The following LYST variants were observed in gnomAD, a reference collection of about 807,000 sequenced individuals.
LYST encodes lysosomal-trafficking regulator.
Under a neutral mutation model 413.6 loss-of-function variants are expected in LYST, and 192 were observed. The ratio of observed to expected loss-of-function variants is 0.46; its 90% CI spans 0.41 to 0.52. The LOEUF (loss-of-function observed/expected upper bound fraction) is 0.52. LYST is among the 20% of genes least tolerant of loss of function. LYST has a pLI of 0.00. For synonymous variants in LYST, 1,525 were observed against 1,567.3 expected (o/e 0.97, Z 0.64); for missense variants, 3,815 against 4,499.9 (o/e 0.85, Z 4.35).
intron 17 of LYST, 34 bp downstream of exon 17, chr1:235,777,029 C>T: frequency 6.3e-7 from 1 of 1,596,204 alleles, no homozygotes; most frequent in South Asian, 1.1e-5. Context: ...TAAGTCATTT[C>T]TCTTTAGACA....
chr1:235,749,151 A>C (rs573395064), intron 28 of LYST, among the ~76,000 whole-genome samples: 1 of 152,324 alleles, frequency 6.6e-6, no homozygotes, highest in South Asian at 2.1e-4. Context: ...GACTTGAATT[A>C]GTTTTTGTAA....
At chr1:235,826,578 G>A (rs1675360335) in intron 3 of LYST, among the ~76,000 whole-genome samples, 1 of 152,196 alleles carries the variant, frequency 6.6e-6, no homozygotes, top group South Asian at 2.1e-4. Flanking sequence ...AGTGAGTGAA[G>A]GGGAGGGACT....
chr1:235,714,654 A>G (rs1375017656), intron 42 of LYST, among the ~76,000 whole-genome samples: 2 of 152,212 alleles, frequency 1.3e-5, no homozygotes, highest in African/African-American at 2.4e-5. Flanking sequence ...ACAAAAATAC[A>G]AATTCACTCC....
chr1:235,755,553 A>T lies in LYST; in HGVS notation c.7154T>A (p.Leu2385His). The T allele has an allele frequency of 6.2e-7, 1 of 1,613,368 alleles. No homozygotes were observed. Among genetic ancestry groups the T allele is most frequent in the Non-Finnish European group, 8.5e-7 (1 of 1,179,272 alleles). ...GFSLLANQLY[L>H]HRGTQELLEC... is the part of the protein sequence containing the mutation. ...TAACAATTCTTGAGTTCCTCGATGA[A>T]GATACAACTGGTTGGCTAGCAAGGA... Residue 2385 changes from leucine (L) to histidine (H), a missense_variant, in exon 25 of 53, where the codon CTT becomes CAT. Transcript: ENST00000389793.
chr1:235,876,188 C>A (rs1164627786), intron 1 of LYST, among the ~76,000 whole-genome samples: 1 of 152,122 alleles, frequency 6.6e-6, no homozygotes, highest in Non-Finnish European at 1.5e-5. Context: ...TGTCACCGCA[C>A]TCCATCCTGG....
At chr1:235,756,071 A>ATCTATATCTATC (rs1667027438) in intron 24 of LYST, among the ~76,000 whole-genome samples, 1 of 148,328 alleles carries the variant, frequency 6.7e-6, no homozygotes, top group African/African-American at 2.5e-5. Context: ...CTGTATCTAT[A>ATCTATATCTATC]TCTATCCTAG....
At chr1:235,780,742 A>G (rs1669783900) in intron 16 of LYST, 123 bp downstream of exon 16, 1 of 431,684 alleles carries the variant, frequency 2.3e-6, no homozygotes, top group African/African-American at 2.0e-5. Context: ...CATAATTCTA[A>G]GAAAAGAAAA....
intron 3 of LYST, among the ~76,000 whole-genome samples, chr1:235,816,463 AT>A (rs1467257211): frequency 7.0e-4 from 80 of 114,158 alleles, no homozygotes; most frequent in African/African-American, 3.6e-3. Context: ...TAAATAAAAA[AT>A]AAAAATAAAA....
Position 235,674,631 on chromosome 1 carries a change from A to T in LYST, c.11038+2460T>A, listed in dbSNP as rs760540960. The stretch of plus-strand genomic sequence containing the variant: ...TGCTAACTATACTAGGGATGCCATT[A>T]AAGGAATAGCTGAACAATTAGGTCC... On this transcript the variant is annotated intron_variant, in intron 50 of 52. Coordinates refer to ENST00000389793, the MANE Select transcript of LYST (RefSeq NM_000081.4). The surrounding 1 kb of genome is among the most constrained non-coding windows in gnomAD (Gnocchi z 4.1). Among the ~76,000 whole-genome samples, 17 of 152,228 alleles carry T rather than the reference A, an allele frequency of 1.1e-4. No individual in the cohort carries two copies. The highest frequency in any genetic ancestry group is 2.2e-4 in the Non-Finnish European group (15 of 68,044).
chr1:235,855,176 C>A (rs1283026417), intron 1 of LYST, among the ~76,000 whole-genome samples: 5 of 152,238 alleles, frequency 3.3e-5, no homozygotes, highest in Middle Eastern at 6.8e-3. Flanking sequence ...TCTTTTAAAA[C>A]TAGATTATAC....
At chr1:235,812,156 T>C (rs1429330488) in intron 4 of LYST, among the ~76,000 whole-genome samples, 1 of 152,098 alleles carries the variant, frequency 6.6e-6, no homozygotes, top group African/African-American at 2.4e-5. Flanking sequence ...AAATTAAAAA[T>C]ATCTATCGAC....
intron 1 of LYST, among the ~76,000 whole-genome samples, chr1:235,843,691 T>C (rs1233753793): frequency 6.6e-6 from 1 of 150,714 alleles, no homozygotes; most frequent in African/African-American, 2.4e-5. Flanking sequence ...AAAAAAAAAA[T>C]AGGAAGTCCC....
At chr1:235,858,935 G>A (rs1479157691) in intron 1 of LYST, among the ~76,000 whole-genome samples, 1 of 152,156 alleles carries the variant, frequency 6.6e-6, no homozygotes, top group East Asian at 1.9e-4. Context: ...GTACATTTGT[G>A]ATTTCAAGCC....
intron 50 of LYST, among the ~76,000 whole-genome samples, chr1:235,669,649 G>C (rs768142892): frequency 6.6e-6 from 1 of 152,212 alleles, no homozygotes; most frequent in Non-Finnish European, 1.5e-5. Context: ...TTCACATGAC[G>C]TGAGCATAAA....
chr1:235,785,918 C>T (rs1378566255), intron 14 of LYST, among the ~76,000 whole-genome samples: 1 of 152,150 alleles, frequency 6.6e-6, no homozygotes, highest in Non-Finnish European at 1.5e-5. Context: ...CACAATTCTC[C>T]TATGTGGTAA....
At chr1:235,737,926 TCACTGCCG>T in intron 31 of LYST, 1 of 1,213,244 alleles carries the variant, frequency 8.2e-7, no homozygotes, top group South Asian at 3.0e-5. Context: ...AGTCTGGATC[TCACTGCCG>T]CGTGCCCCAA....
chr1:235,827,841 AT>A, intron 3 of LYST: 2 of 800,438 alleles, frequency 2.5e-6, no homozygotes, highest in Non-Finnish European at 3.0e-6. Flanking sequence ...AAAGTATTCT[AT>A]TTACCATATA....
intron 28 of LYST, among the ~76,000 whole-genome samples, chr1:235,750,961 G>A (rs564799077): frequency 6.6e-6 from 1 of 152,258 alleles, no homozygotes; most frequent in Admixed American, 6.5e-5. Flanking sequence ...CAGAATCTGT[G>A]TCTGTTTTTT....
intron 47 of LYST, among the ~76,000 whole-genome samples, chr1:235,688,495 T>C (rs1660383216): frequency 6.6e-6 from 1 of 152,216 alleles, no homozygotes; most frequent in Admixed American, 6.5e-5. Context: ...ACTTCTGTAG[T>C]CTACTTTTGG....
Sources: allele counts gnomAD v4.1 joint callset (sites outside exome capture counted in the v4.1 genomes callset), GRCh38; gene constraint gnomAD v4.1.1; non-coding constraint Gnocchi (gnomAD v3.1); transcripts MANE v1.5; gene names NCBI Gene and HGNC (gene_info 2026-07-23, HGNC 2026-07-21).